The following SAMMSON variants were observed in gnomAD, a reference collection of about 807,000 sequenced individuals.
The protein encoded by SAMMSON is long intergenic non-protein coding RNA 1212.
intron 2 of SAMMSON, among the ~76,000 whole-genome samples, chr3:70,420,515 A>G (rs1701302653): frequency 6.6e-6 from 1 of 152,244 alleles, no homozygotes. Flanking sequence ...ACAGTTGAGT[A>G]TAATATGCAC....
intron 2 of SAMMSON, among the ~76,000 whole-genome samples, chr3:70,395,425 G>A (rs1701084603): frequency 6.7e-6 from 1 of 148,574 alleles, no homozygotes; most frequent in Non-Finnish European, 1.5e-5. Flanking sequence ...TACTCTGTGT[G>A]GCAAGAAACT....
At position 70,122,573 on chromosome 3, in the gene SAMMSON, T is replaced by C. The variant is rs76425145; in HGVS notation, n.507+51008T>C. On this transcript the variant is annotated intron_variant and non_coding_transcript_variant, in intron 4 of 9. Transcript: ENST00000642114. ...CTTATTAACAAATGTAAAATAACAT[T>C]ATGAACGTTTAAAACAGTAATAATT... 2.4e-4 allele frequency among the ~76,000 whole-genome samples: 36 copies of C among 152,308 alleles called. 1 individual carries two copies. In the East Asian group the frequency reaches 6.9e-3, roughly 29 times the overall value.
At chr3:70,250,248 G>A (rs1219493502) in intron 6 of SAMMSON, among the ~76,000 whole-genome samples, 1 of 152,098 alleles carries the variant, frequency 6.6e-6, no homozygotes, top group East Asian at 1.9e-4. Flanking sequence ...TGCTGCTGAA[G>A]CACCAAATCT....
intron 3 of SAMMSON, among the ~76,000 whole-genome samples, chr3:70,020,814 C>T (rs1176813286): frequency 2.0e-5 from 3 of 152,214 alleles, no homozygotes; most frequent in South Asian, 2.1e-4. Context: ...CATCATTCCA[C>T]GTCATCTTCC....
intron 4 of SAMMSON, among the ~76,000 whole-genome samples, chr3:70,170,818 T>C (rs1700937712): frequency 6.6e-6 from 1 of 151,908 alleles, no homozygotes; most frequent in Non-Finnish European, 1.5e-5. Flanking sequence ...AGTGCAGAGA[T>C]GTTTTGGTGA....
At chr3:70,312,913 A>AT (rs1702467476) in intron 7 of SAMMSON, among the ~76,000 whole-genome samples, 1 of 152,160 alleles carries the variant, frequency 6.6e-6, no homozygotes, top group African/African-American at 2.4e-5. Flanking sequence ...GTTAATATTA[A>AT]AAGATGTAGA....
intron 6 of SAMMSON, among the ~76,000 whole-genome samples, chr3:70,260,542 C>T (rs1306308201): frequency 6.6e-6 from 1 of 152,002 alleles, no homozygotes; most frequent in Non-Finnish European, 1.5e-5. Flanking sequence ...GAGTCCCTAT[C>T]ATGAGACCAG....
At chr3:70,157,258 T>C (rs1473338984) in intron 4 of SAMMSON, among the ~76,000 whole-genome samples, 8 of 152,068 alleles carry the variant, frequency 5.3e-5, no homozygotes, top group Non-Finnish European at 1.0e-4. Flanking sequence ...AATTGTCAAA[T>C]CACCTGCCAC....
chr3:70,225,281 C>A (rs1232419425), intron 4 of SAMMSON, among the ~76,000 whole-genome samples: 2 of 152,156 alleles, frequency 1.3e-5, no homozygotes, highest in Admixed American at 1.3e-4. Flanking sequence ...TTCTTGAATT[C>A]TCTTCAGTGT....
At chr3:70,158,267 G>A (rs547920034) in intron 4 of SAMMSON, among the ~76,000 whole-genome samples, 28 of 152,080 alleles carry the variant, frequency 1.8e-4, no homozygotes, top group Middle Eastern at 6.8e-3. Flanking sequence ...TTATATCTTT[G>A]CCTTTTCTGG....
At chr3:70,298,731 TA>T (rs1035121273) in intron 7 of SAMMSON, among the ~76,000 whole-genome samples, 22 of 152,224 alleles carry the variant, frequency 1.4e-4, no homozygotes, top group African/African-American at 4.8e-4. Context: ...TTATTTGTTG[TA>T]ATGAGTGCAG....
chr3:70,412,319 G>A (rs991425036), intron 2 of SAMMSON, among the ~76,000 whole-genome samples: 1 of 152,002 alleles, frequency 6.6e-6, no homozygotes, highest in Non-Finnish European at 1.5e-5. Context: ...GAAATTATAT[G>A]CTTAATATTT....
chr3:70,264,636 C>A (rs995929814), intron 6 of SAMMSON, among the ~76,000 whole-genome samples: 1 of 152,208 alleles, frequency 6.6e-6, no homozygotes, highest in Non-Finnish European at 1.5e-5. Context: ...TTACTGAGCA[C>A]TGAAAGTATG....
chr3:70,300,356 T>C (rs770670287), intron 7 of SAMMSON, among the ~76,000 whole-genome samples: 1 of 152,148 alleles, frequency 6.6e-6, no homozygotes, highest in Non-Finnish European at 1.5e-5. Context: ...CAGACGTTTA[T>C]TATAGGCACA....
chr3:70,428,943 T>G (rs1279432169), intron 2 of SAMMSON, among the ~76,000 whole-genome samples: 6 of 152,192 alleles, frequency 3.9e-5, no homozygotes, highest in Non-Finnish European at 8.8e-5. Context: ...CTTATGGAAC[T>G]TTAGATAGAA....
chr3:70,307,985 C>T (rs926526209), intron 7 of SAMMSON, among the ~76,000 whole-genome samples: 1 of 152,210 alleles, frequency 6.6e-6, no homozygotes, highest in African/African-American at 2.4e-5. Context: ...TGACTGCCTT[C>T]AAGACTGGAC....
chr3:70,023,194 C>A (rs1360591360), intron 3 of SAMMSON, among the ~76,000 whole-genome samples: 1 of 152,012 alleles, frequency 6.6e-6, no homozygotes, highest in African/African-American at 2.4e-5. Flanking sequence ...CGGTGGCTCA[C>A]GTCTGTAATC....
intron 6 of SAMMSON, among the ~76,000 whole-genome samples, chr3:70,275,319 G>C (rs966775835): frequency 1.3e-5 from 2 of 152,004 alleles, no homozygotes; most frequent in Admixed American, 6.6e-5. Flanking sequence ...GCCCAGCCCA[G>C]GCAACATAGT....
chr3:70,432,901 T>C (rs562629841), intron 2 of SAMMSON, among the ~76,000 whole-genome samples: 1 of 152,232 alleles, frequency 6.6e-6, no homozygotes, highest in East Asian at 1.9e-4. Flanking sequence ...TGTCATAAAG[T>C]TGGGATCATA....
Sources: allele counts gnomAD v4.1 joint callset (sites outside exome capture counted in the v4.1 genomes callset), GRCh38; gene constraint gnomAD v4.1.1; transcripts MANE v1.5; gene names NCBI Gene and HGNC (gene_info 2026-07-23, HGNC 2026-07-21).